SLC27A6: variants seen among roughly 807,000 people sequenced by gnomAD.
SLC27A6 encodes the protein solute carrier family 27 member 6, also known as long-chain fatty acid transport protein 6.
Under a neutral mutation model 63.9 loss-of-function variants are expected in SLC27A6, and 74 were observed. The ratio of observed to expected loss-of-function variants is 1.16; its 90% CI spans 0.96 to 1.40. The LOEUF is 1.40. Among genes scored for constraint, SLC27A6 ranks in the 40% most tolerant of loss-of-function variants. The probability of loss-of-function intolerance (pLI) is 0.00; values close to 1 mark genes in which losing one functional copy is unlikely to be tolerated. For missense variants in SLC27A6, 794 were observed against 732.9 expected (o/e 1.08, Z -0.96); for synonymous variants, 287 against 260.8 (o/e 1.10, Z -0.97).
chr5:129,001,394 AGT>A, intron 4 of SLC27A6, among the ~76,000 whole-genome samples: 1 of 152,254 alleles, frequency 6.6e-6, no homozygotes, highest in South Asian at 2.1e-4. Context: ...ATATTGTTTC[AGT>A]GTATAATATT....
intron 1 of SLC27A6, among the ~76,000 whole-genome samples, chr5:128,982,070 T>C (rs1468876188): frequency 1.3e-5 from 2 of 152,110 alleles, no homozygotes; most frequent in South Asian, 2.1e-4. Flanking sequence ...TGCTTCAGCC[T>C]CCTAAGGTGC....
intron 1 of SLC27A6, among the ~76,000 whole-genome samples, chr5:128,982,804 G>A (rs1268555916): frequency 6.6e-6 from 1 of 152,094 alleles, no homozygotes; most frequent in Non-Finnish European, 1.5e-5. Flanking sequence ...GTAGAGCTAG[G>A]CATTTTCCCT....
rs1417373377 is a variant in SLC27A6, at chr5:128,985,180, A to G, written c.529A>G (p.Ile177Val). 3.7e-6 allele frequency: 6 copies of G among 1,613,892 alleles called. No individual in the cohort carries two copies. Among genetic ancestry groups the G allele is most frequent in the African/African-American group, 1.3e-5 (1 of 74,904 alleles). Residue 177 changes from isoleucine to valine, a missense_variant, in exon 2 of 10, where the codon ATC becomes GTC. Ile to Val is a conservative substitution (Grantham distance 29). Coordinates refer to ENST00000262462, the MANE Select transcript of SLC27A6 (RefSeq NM_001017372.3). Reference sequence around the variant, plus strand: ...AATCCTTCCAAGCCTCTCAGAAAATATCAGTGTTTGGGGGATGAAAGATTC... The same window carrying G: ...AATCCTTCCAAGCCTCTCAGAAAATGTCAGTGTTTGGGGGATGAAAGATTC... ...EEILPSLSENISVWGMKDSVP... is the reference protein window; with the variant it reads ...EEILPSLSENVSVWGMKDSVP...
At chr5:128,974,312 A>G (rs1048892766) in intron 1 of SLC27A6, among the ~76,000 whole-genome samples, 7 of 152,220 alleles carry the variant, frequency 4.6e-5, no homozygotes, top group Non-Finnish European at 1.0e-4. Context: ...TAAAAAAGCC[A>G]CTTTGGGATA....
intron 5 of SLC27A6, among the ~76,000 whole-genome samples, chr5:129,022,188 G>C (rs923492063): frequency 1.3e-5 from 2 of 152,128 alleles, no homozygotes; most frequent in African/African-American, 4.8e-5. Flanking sequence ...TTTATATCTA[G>C]AATAACAATA....
At chr5:128,979,033 A>G (rs1750490815) in intron 1 of SLC27A6, among the ~76,000 whole-genome samples, 1 of 152,042 alleles carries the variant, frequency 6.6e-6, no homozygotes, top group South Asian at 2.1e-4. Flanking sequence ...TTGATCAATG[A>G]TTATCATTCA....
In SLC27A6 at chr5:128,966,130, TTGC is replaced by T. The variant is rs777315148; in HGVS notation, c.-7_-5del. The T allele has an allele frequency of 1.7e-3, 2,675 of 1,534,764 alleles. 34 individuals carry two copies. In the African/African-American group the frequency reaches 0.031, roughly 18 times the overall value. ...AGATCAGAGCTGTCTTCTGGCCCAGTTGCCCCCATGCTTCTGTCATGGCTAACA... is the reference window on the plus strand; with the variant it reads ...AGATCAGAGCTGTCTTCTGGCCCAGTCCCCATGCTTCTGTCATGGCTAACA... On this transcript the variant is annotated 5_prime_UTR_variant, in exon 1 of 10. Transcript: ENST00000262462.
intron 5 of SLC27A6, among the ~76,000 whole-genome samples, chr5:129,019,662 G>C (rs1472959292): frequency 6.6e-6 from 1 of 151,646 alleles, no homozygotes; most frequent in Non-Finnish European, 1.5e-5. Flanking sequence ...AGCACGCTCA[G>C]CTCAAAGAAA....
At chr5:128,976,804 T>C (rs555461202) in intron 1 of SLC27A6, among the ~76,000 whole-genome samples, 1 of 152,354 alleles carries the variant, frequency 6.6e-6, no homozygotes, top group Admixed American at 6.5e-5. Context: ...CTTCAAAATA[T>C]GTTGAACAGC....
intron 6 of SLC27A6, among the ~76,000 whole-genome samples, 168 bp downstream of exon 6, chr5:129,023,878 G>A (rs1020768137): frequency 1.3e-5 from 2 of 152,032 alleles, no homozygotes; most frequent in East Asian, 3.9e-4. Flanking sequence ...TATGAGGTGT[G>A]CACATCCTCC....
chr5:128,992,404 T>C (rs555190688), intron 4 of SLC27A6, among the ~76,000 whole-genome samples: 1 of 152,328 alleles, frequency 6.6e-6, no homozygotes, highest in African/African-American at 2.4e-5. Context: ...GACACTAGGC[T>C]GGAGGCATTT....
chr5:128,968,209 C>T (rs1749986108), intron 1 of SLC27A6, among the ~76,000 whole-genome samples: 1 of 152,172 alleles, frequency 6.6e-6, no homozygotes, highest in African/African-American at 2.4e-5. Flanking sequence ...GAGAAAAGTG[C>T]CGCAATAAAC....
At chr5:128,982,021 C>G (rs1307678693) in intron 1 of SLC27A6, among the ~76,000 whole-genome samples, 1 of 152,018 alleles carries the variant, frequency 6.6e-6, no homozygotes, top group Non-Finnish European at 1.5e-5. Context: ...ACCATGTTGG[C>G]CAGGCTCTTC....
chr5:128,992,043 C>T (rs1751000572), intron 4 of SLC27A6, among the ~76,000 whole-genome samples: 1 of 151,004 alleles, frequency 6.6e-6, no homozygotes, highest in Admixed American at 6.6e-5. Flanking sequence ...AATTATTTAT[C>T]TTTTATTATC....
chr5:129,025,731 A>T (rs1290859225), intron 6 of SLC27A6, among the ~76,000 whole-genome samples: 1 of 152,068 alleles, frequency 6.6e-6, no homozygotes, highest in Non-Finnish European at 1.5e-5. Context: ...TATGATGATG[A>T]TGATGATGAT....
intron 6 of SLC27A6, among the ~76,000 whole-genome samples, chr5:129,024,720 T>C (rs1752180091): frequency 6.6e-6 from 1 of 152,174 alleles, no homozygotes; most frequent in Admixed American, 6.5e-5. Context: ...TAGAATTGTT[T>C]AGAGATCCAG....
At chr5:129,005,251 A>C (rs889429412) in intron 4 of SLC27A6, among the ~76,000 whole-genome samples, 1 of 152,146 alleles carries the variant, frequency 6.6e-6, no homozygotes, top group African/African-American at 2.4e-5. Flanking sequence ...GATTTTCTCC[A>C]CTACAAATAT....
intron 4 of SLC27A6, among the ~76,000 whole-genome samples, chr5:129,013,923 C>T (rs1334043874): frequency 6.6e-6 from 1 of 152,142 alleles, no homozygotes; most frequent in African/African-American, 2.4e-5. Context: ...CCTGATGGCA[C>T]ATGGCTGGGA....
intron 2 of SLC27A6, among the ~76,000 whole-genome samples, chr5:128,986,305 C>G (rs1032832753): frequency 1.3e-5 from 2 of 152,122 alleles, no homozygotes; most frequent in Admixed American, 1.3e-4. Flanking sequence ...GAGTGAGACT[C>G]AGTCTTAAGA....
Sources: gnomAD v4.1 joint callset for allele counts (sites outside exome capture counted in the v4.1 genomes callset) on GRCh38, gnomAD v4.1.1 for gene constraint, MANE v1.5 for transcripts, NCBI Gene and HGNC (gene_info 2026-07-23, HGNC 2026-07-21) for gene names.